The following NLGN4X variants were observed in gnomAD, a reference collection of about 807,000 sequenced individuals.
NLGN4X encodes the protein neuroligin-4, X-linked.
In NLGN4X, 3 loss-of-function variants were observed where a neutral mutation model predicts 40.3. The ratio of observed to expected loss-of-function variants is 0.07; its 90% CI spans 0.03 to 0.19. The LOEUF (loss-of-function observed/expected upper bound fraction) is 0.19, where lower values mean the gene tolerates loss of function less well. Ranked by LOEUF, NLGN4X falls within the 10% of genes least tolerant of loss-of-function variation. The pLI is 1.00. For missense variants in NLGN4X, 382 were observed against 708.3 expected, an observed-to-expected ratio of 0.54 and a Z score of 5.23; for synonymous variants, 270 against 306.8, an observed-to-expected ratio of 0.88 and a Z score of 1.25.
chrX:6,052,396 G>C (rs2037515442), intron 2 of NLGN4X, among the ~76,000 whole-genome samples: 1 of 112,365 alleles, frequency 8.9e-6, no homozygotes, highest in Non-Finnish European at 1.9e-5. Context: ...TTCTCTTTCT[G>C]ACCGCACATC....
chrX:5,927,670 C>T (rs886796424), intron 3 of NLGN4X, among the ~76,000 whole-genome samples: 20 of 112,146 alleles, frequency 1.8e-4, no homozygotes, highest in Admixed American at 9.5e-4. Flanking sequence ...TCACATCCCC[C>T]GTGTGACTCC....
chrX:5,910,096 T>A (rs1301181163), intron 3 of NLGN4X, among the ~76,000 whole-genome samples: 1 of 111,767 alleles, frequency 8.9e-6, no homozygotes, highest in Non-Finnish European at 1.9e-5. Flanking sequence ...TTAATCTATT[T>A]TATTTTTTGT....
intron 3 of NLGN4X, among the ~76,000 whole-genome samples, chrX:5,946,910 T>TA (rs747300529): frequency 2.1e-4 from 24 of 111,674 alleles, no homozygotes; most frequent in African/African-American, 7.5e-4. Context: ...AGCTCCCACT[T>TA]ATAAGTGAGA....
chrX:6,213,948 G>A (rs1389844883), intron 1 of NLGN4X, among the ~76,000 whole-genome samples: 1 of 111,900 alleles, frequency 8.9e-6, no homozygotes, highest in African/African-American at 3.3e-5. Flanking sequence ...AATAATGAAC[G>A]TCAGTCACAC....
At chrX:6,102,843 T>G (rs901380383) in intron 2 of NLGN4X, among the ~76,000 whole-genome samples, 5 of 109,934 alleles carry the variant, frequency 4.5e-5, no homozygotes, top group African/African-American at 1.7e-4. Flanking sequence ...GAGAGAGGGG[T>G]AGATAGATTA....
chrX:6,194,683 G>A (rs778325739), intron 1 of NLGN4X, among the ~76,000 whole-genome samples: 2 of 112,203 alleles, frequency 1.8e-5, no homozygotes, highest in African/African-American at 6.5e-5. Context: ...AGCACATTTT[G>A]TTATTAATAG....
At chrX:6,035,084 T>G (rs754559266) in intron 2 of NLGN4X, among the ~76,000 whole-genome samples, 3 of 112,208 alleles carry the variant, frequency 2.7e-5, no homozygotes, top group Non-Finnish European at 5.6e-5. Context: ...ACACTGTCTT[T>G]GCAGAAATGT....
intron 2 of NLGN4X, among the ~76,000 whole-genome samples, chrX:6,091,096 T>G (rs977566988): frequency 9.4e-6 from 1 of 106,927 alleles, no homozygotes; most frequent in Admixed American, 1.0e-4. Context: ...GAGGGAGGAA[T>G]AGTTGGAGAG....
intron 1 of NLGN4X, among the ~76,000 whole-genome samples, chrX:6,212,471 A>G (rs5916332): frequency 0.12 from 13,363 of 110,924 alleles, 675 homozygotes; most frequent in African/African-American, 0.19. Context: ...GCACACAGCC[A>G]TTCATCTACC....
At chrX:6,184,337 T>G (rs1454474328) in intron 1 of NLGN4X, among the ~76,000 whole-genome samples, 1 of 111,976 alleles carries the variant, frequency 8.9e-6, no homozygotes, top group East Asian at 2.8e-4. Context: ...CAGAACAGCA[T>G]AATTTGAACA....
rs183485846 is a variant in NLGN4X at position 6,141,711 on chromosome X, C to G, written c.472+9284G>C. On this transcript the variant is annotated intron_variant, in intron 2 of 5. Transcript: ENST00000381095. ...GTGGGCACCTATAGTCCCAGGTACT[C>G]GGCAGGCTGAGGCAGGAGAATCACT... is the stretch of plus-strand genomic sequence containing the variant. Among the ~76,000 whole-genome samples the G allele has an allele frequency of 7.4e-3, 822 of 110,525 alleles. 8 individuals carry two copies. The highest frequency in any genetic ancestry group is 0.025 in the African/African-American group (767 of 30,392).
At chrX:5,909,358 C>T in intron 3 of NLGN4X, 119 bp from the exon 4 acceptor site, 1 of 849,512 alleles carries the variant, frequency 1.2e-6, no homozygotes, top group South Asian at 2.3e-5. Flanking sequence ...TCAACTCTCA[C>T]CCCCACCAAT....
At chrX:6,020,333 G>A (rs1449779649) in intron 3 of NLGN4X, among the ~76,000 whole-genome samples, 1 of 112,049 alleles carries the variant, frequency 8.9e-6, no homozygotes, top group African/African-American at 3.2e-5. Context: ...ATTATGTTAA[G>A]TGATACAAGC....
chrX:5,897,236 T>C (rs753970395), intron 5 of NLGN4X, among the ~76,000 whole-genome samples: 1 of 112,084 alleles, frequency 8.9e-6, no homozygotes, highest in South Asian at 3.7e-4. Flanking sequence ...TTCTTTGTCA[T>C]ACCTTATAAA....
intron 2 of NLGN4X, among the ~76,000 whole-genome samples, chrX:6,048,471 T>C (rs770985425): frequency 1.3e-4 from 14 of 111,587 alleles, no homozygotes; most frequent in Admixed American, 2.9e-4. Context: ...AAAGATGTTA[T>C]TAAAGAATAT....
At chrX:5,991,155 G>A (rs184855089) in intron 3 of NLGN4X, among the ~76,000 whole-genome samples, 2 of 111,568 alleles carry the variant, frequency 1.8e-5, no homozygotes, top group African/African-American at 6.5e-5. Context: ...GGTGAAATAT[G>A]TGGCCGCCTT....
chrX:5,894,357 A>G (rs768832006), intron 5 of NLGN4X, among the ~76,000 whole-genome samples: 2 of 112,827 alleles, frequency 1.8e-5, no homozygotes, highest in African/African-American at 6.4e-5. Context: ...CAGTAGAAAT[A>G]AAAATAGGCT....
At chrX:6,050,049 G>C (rs1377433444) in intron 2 of NLGN4X, among the ~76,000 whole-genome samples, 9 of 111,790 alleles carry the variant, frequency 8.1e-5, no homozygotes, top group African/African-American at 2.6e-4. Context: ...AGGTGGCAGA[G>C]AATCTATCTT....
At chrX:5,899,101 T>C in intron 5 of NLGN4X, among the ~76,000 whole-genome samples, 1 of 112,392 alleles carries the variant, frequency 8.9e-6, no homozygotes, top group Non-Finnish European at 1.9e-5. Flanking sequence ...TGTATTTGAA[T>C]CCACACGTTG....
Sources: gnomAD v4.1 joint callset for allele counts (sites outside exome capture counted in the v4.1 genomes callset) on GRCh38, gnomAD v4.1.1 for gene constraint, MANE v1.5 for transcripts, NCBI Gene and HGNC (gene_info 2026-07-23, HGNC 2026-07-21) for gene names.